The following ABCC9 variants were observed in gnomAD, a reference collection of about 807,000 sequenced individuals.
ABCC9 encodes ATP-binding cassette sub-family C member 9.
Under a neutral mutation model 188.3 loss-of-function variants are expected in ABCC9, and 95 were observed. The ratio of observed to expected loss-of-function variants is 0.50; its 90% CI spans 0.43 to 0.60. The LOEUF (loss-of-function observed/expected upper bound fraction) is 0.60, where lower values mean the gene tolerates loss of function less well. Ranked by LOEUF, ABCC9 falls within the 20% of genes least tolerant of loss-of-function variation. The pLI is 0.00. For missense variants in ABCC9, 1,102 were observed against 1,876.3 expected, an observed-to-expected ratio of 0.59 and a Z score of 7.62; for synonymous variants, 659 against 652.7, an observed-to-expected ratio of 1.01 and a Z score of -0.15.
chr12:21,803,319 A>G lies in ABCC9; in HGVS notation c.4513-2138T>C, dbSNP rs191569910. 3.6e-4 allele frequency among the ~76,000 whole-genome samples: 55 copies of G among 152,192 alleles called. 1 individual carries two copies. Among genetic ancestry groups the G allele is most frequent in the African/African-American group, 1.3e-3 (52 of 41,550 alleles). On this transcript the variant is annotated intron_variant, in intron 39 of 39. Coordinates refer to ENST00000261200, the MANE Select transcript of ABCC9 (RefSeq NM_020297.4). ...AACCCATAAATATAATCTTATAAAC[A>G]TTGCATTGATATTCTAAAATAATAT... is the stretch of plus-strand genomic sequence containing the variant.
rs762383594 is a variant in ABCC9, at chr12:21,910,908, G to C, written c.1082C>G (p.Ala361Gly). ...AYVLAVLLFL[A>G]LILQRTFLQA... ...CAAAAATGTCCTTTGCAGAATAAGAGCCAAGAAGAGAAGAACTGCTAGAAC... is the reference window on the plus strand; with the variant it reads ...CAAAAATGTCCTTTGCAGAATAAGACCCAAGAAGAGAAGAACTGCTAGAAC... The change falls in exon 9 of 40, where the codon GCT (alanine) becomes GGT (glycine). Residue 361 changes from alanine to glycine, a missense_variant. By Grantham distance (60) the Ala-to-Gly change is moderately conservative (BLOSUM62 0). Around this residue, in one of 12 missense-constraint regions of ABCC9, gnomAD observed 305 missense variants for 573.0 expected, o/e 0.53. Coordinates refer to ENST00000261200, the MANE Select transcript of ABCC9 (RefSeq NM_020297.4). The C allele has an allele frequency of 6.2e-6, 10 of 1,612,498 alleles. No homozygotes were observed. The highest frequency in any genetic ancestry group is 8.5e-6 in the Non-Finnish European group (10 of 1,178,946).
At chr12:21,938,064 AAAC>A (rs1949564581) in intron 2 of ABCC9, 1 of 126,702 alleles carries the variant, frequency 7.9e-6, no homozygotes. Flanking sequence ...CAATGGTCAC[AAAC>A]AATACTTTTC....
chr12:21,880,335 A>G, intron 16 of ABCC9, among the ~76,000 whole-genome samples: 1 of 152,142 alleles, frequency 6.6e-6, no homozygotes, highest in Non-Finnish European at 1.5e-5. Context: ...TGGGTAGGAA[A>G]AGTTTTCTTA....
intron 16 of ABCC9, among the ~76,000 whole-genome samples, chr12:21,879,875 A>G (rs1019312649): frequency 2.6e-5 from 4 of 151,968 alleles, no homozygotes; most frequent in African/African-American, 4.8e-5. Context: ...AGTTATAAAG[A>G]CTTGTTCTAA....
At chr12:21,837,721 G>A (rs1387160903) in intron 30 of ABCC9, among the ~76,000 whole-genome samples, 1 of 152,020 alleles carries the variant, frequency 6.6e-6, no homozygotes, top group Admixed American at 6.6e-5. Context: ...TAGTCAGTGT[G>A]GTTAATACTT....
At chr12:21,802,151 TACTTAACA>T (rs1462506315) in intron 39 of ABCC9, among the ~76,000 whole-genome samples, 1 of 152,190 alleles carries the variant, frequency 6.6e-6, no homozygotes, top group East Asian at 1.9e-4. Flanking sequence ...TTGAGCAATA[TACTTAACA>T]TTGTATAGTT....
rs762304330 is a variant in ABCC9, at chr12:21,882,780, C to G, written c.2005G>C (p.Asp669His). The change falls in exon 16 of 40, where the codon GAC (aspartate) becomes CAC (histidine). Residue 669 changes from aspartate (D) to histidine (H), a missense_variant. Transcript: ENST00000261200. ...ATAAAAATAACCTTTATTGCAATGTCCTCTGTTTCTGCGGGACGTAGACGC... is the reference window on the plus strand; with the variant it reads ...ATAAAAATAACCTTTATTGCAATGTGCTCTGTTTCTGCGGGACGTAGACGC... ...TRRLRPAETE[D>H]IAIKVTNGYF... is the part of the protein sequence containing the mutation. 6.2e-6 allele frequency: 10 copies of G among 1,611,142 alleles called. No individual in the cohort carries two copies. In the South Asian group the frequency reaches 9.9e-5, roughly 16 times the overall value.
intron 5 of ABCC9, chr12:21,925,460 G>T (rs1328022740): frequency 1.4e-6 from 1 of 702,204 alleles, no homozygotes; most frequent in South Asian, 1.5e-5. Context: ...CTGCTACATA[G>T]TAATTCTAGT....
chr12:21,927,153 G>A (rs1949075543), intron 4 of ABCC9, among the ~76,000 whole-genome samples: 1 of 152,124 alleles, frequency 6.6e-6, no homozygotes, highest in Non-Finnish European at 1.5e-5. Context: ...AATACAACAT[G>A]TTCAAAATTC....
chr12:21,833,311 G>A (rs1303205656), intron 30 of ABCC9, among the ~76,000 whole-genome samples: 1 of 151,904 alleles, frequency 6.6e-6, no homozygotes, highest in Non-Finnish European at 1.5e-5. Flanking sequence ...AATGAACTCT[G>A]GAGGATCTAA....
chr12:21,849,719 A>G (rs1321240138), intron 24 of ABCC9, among the ~76,000 whole-genome samples: 3 of 152,206 alleles, frequency 2.0e-5, no homozygotes, highest in East Asian at 3.8e-4. Flanking sequence ...TGCTTGGACT[A>G]AGTAAATAAA....
Position 21,800,260 on chromosome 12 carries a change from T to C in ABCC9, c.*784A>G, listed in dbSNP as rs914273941. On this transcript the variant is annotated 3_prime_UTR_variant, in exon 40 of 40. Coordinates refer to ENST00000261200, the MANE Select transcript of ABCC9 (RefSeq NM_020297.4). The stretch of plus-strand genomic sequence containing the variant: ...TCAAGATCATAACCACAGCTAATCA[T>C]TAAACTATAGAAAGTTTAGCTGGCC... 2 of 152,202 alleles carry C rather than the reference T, an allele frequency of 1.3e-5. No individual in the cohort carries two copies. Among genetic ancestry groups the C allele is most frequent in the African/African-American group, 2.4e-5 (1 of 41,456 alleles). The allele number at this position is 152,202 out of a possible 1,614,324, so 9.4% of individuals were successfully genotyped here.
At chr12:21,898,183 G>A (rs1279829057) in intron 12 of ABCC9, among the ~76,000 whole-genome samples, 2 of 152,030 alleles carry the variant, frequency 1.3e-5, no homozygotes, top group Non-Finnish European at 2.9e-5. Context: ...ATAAATAATA[G>A]AATCAAAACC....
intron 37 of ABCC9, among the ~76,000 whole-genome samples, 177 bp from the exon 38 acceptor site, chr12:21,807,656 G>A (rs1001414482): frequency 1.3e-5 from 2 of 152,178 alleles, no homozygotes; most frequent in East Asian, 3.9e-4. Context: ...AAATGAAGAT[G>A]TCCCTAAATT....
intron 15 of ABCC9, among the ~76,000 whole-genome samples, chr12:21,887,415 A>T (rs1946934972): frequency 6.6e-6 from 1 of 152,196 alleles, no homozygotes; most frequent in South Asian, 2.1e-4. Flanking sequence ...TGGAAAATAA[A>T]AAGAGACAAT....
intron 31 of ABCC9, among the ~76,000 whole-genome samples, chr12:21,821,575 G>C (rs780235899): frequency 9.9e-5 from 15 of 152,022 alleles, no homozygotes; most frequent in Non-Finnish European, 1.5e-4. Flanking sequence ...AAATTAAACA[G>C]TAGGAGTAAT....
In ABCC9 at chr12:21,817,178, G is replaced by A; in HGVS notation, c.3892+9C>T. Reference sequence around the variant, plus strand: ...ATTTAAGTGAGACAAACAATATTTAGAGCAATACCCATTGTGCCTTCATAG... The same window carrying A: ...ATTTAAGTGAGACAAACAATATTTAAAGCAATACCCATTGTGCCTTCATAG... On this transcript the variant is annotated intron_variant, in intron 33 of 39. Coordinates refer to ENST00000261200, the MANE Select transcript of ABCC9 (RefSeq NM_020297.4). 1.2e-6 allele frequency: 2 copies of A among 1,612,538 alleles called. No homozygotes were observed. Among genetic ancestry groups the A allele is most frequent in the Non-Finnish European group, 1.7e-6 (2 of 1,178,966 alleles).
intron 18 of ABCC9, among the ~76,000 whole-genome samples, chr12:21,870,261 GT>G (rs893308840): frequency 3.0e-4 from 44 of 145,738 alleles, no homozygotes; most frequent in Non-Finnish European, 4.4e-4. Context: ...TTAGTTTTTT[GT>G]TTTTTTTTTT....
At chr12:21,935,584 CTTAT>C (rs796541628) in intron 3 of ABCC9, among the ~76,000 whole-genome samples, 4 of 152,148 alleles carry the variant, frequency 2.6e-5, no homozygotes, top group African/African-American at 9.6e-5. Context: ...AACTTTTTCA[CTTAT>C]TTAATTGGAA....
Sources: gnomAD v4.1 joint callset for allele counts (sites outside exome capture counted in the v4.1 genomes callset) on GRCh38, gnomAD v4.1.1 for gene constraint, gnomAD v4.1.1 regional missense constraint, MANE v1.5 for transcripts, NCBI Gene and HGNC (gene_info 2026-07-23, HGNC 2026-07-21) for gene names.